The following CA8 variants were observed in gnomAD, a reference collection of about 807,000 sequenced individuals.
CA8 encodes carbonic anhydrase 8 (inactive).
A neutral mutation model predicts 41.4 loss-of-function variants in CA8; 22 were observed. The ratio of observed to expected loss-of-function variants is 0.53; its 90% CI spans 0.38 to 0.76. The LOEUF is 0.76. Among genes scored for constraint, CA8 ranks in the 30% least tolerant of loss-of-function variants. The probability of loss-of-function intolerance (pLI) is 0.00; values close to 1 mark genes in which losing one functional copy is unlikely to be tolerated. For synonymous variants in CA8, 121 were observed against 130.6 expected, an observed-to-expected ratio of 0.93 and a Z score of 0.50; for missense variants, 270 against 352.8, an observed-to-expected ratio of 0.77 and a Z score of 1.88.
intron 2 of CA8, among the ~76,000 whole-genome samples, chr8:60,277,124 A>C (rs1196899792): frequency 1.8e-4 from 1 of 5,498 alleles, no homozygotes; most frequent in Non-Finnish European, 4.0e-4. Flanking sequence ...GTCTCAAAAG[A>C]AAAAAAAAAA....
intron 7 of CA8, among the ~76,000 whole-genome samples, chr8:60,216,424 AC>A (rs1284794909): frequency 6.6e-6 from 1 of 152,224 alleles, no homozygotes; most frequent in Non-Finnish European, 1.5e-5. Flanking sequence ...TGCTAATAGC[AC>A]CTAAATCTTT....
chr8:60,210,495 C>T (rs1806796405), intron 7 of CA8, among the ~76,000 whole-genome samples: 1 of 152,164 alleles, frequency 6.6e-6, no homozygotes, highest in Admixed American at 6.5e-5. Context: ...GAGAGGCTCC[C>T]TGACTCCAAG....
chr8:60,232,904 T>C (rs766534745), intron 3 of CA8, among the ~76,000 whole-genome samples: 1 of 151,328 alleles, frequency 6.6e-6, no homozygotes, highest in Non-Finnish European at 1.5e-5. Context: ...AAAGCCACGG[T>C]AAAATAATAA....
chr8:60,260,938 T>C (rs1466314337), intron 3 of CA8, among the ~76,000 whole-genome samples: 1 of 152,158 alleles, frequency 6.6e-6, no homozygotes, highest in Non-Finnish European at 1.5e-5. Flanking sequence ...CTTCCTGGGA[T>C]CTCCTTAGAA....
intron 7 of CA8, among the ~76,000 whole-genome samples, chr8:60,217,918 A>T (rs544234156): frequency 6.6e-6 from 1 of 152,236 alleles, no homozygotes; most frequent in East Asian, 1.9e-4. Flanking sequence ...TGTTTCTTGA[A>T]TTCAAATTCG....
At chr8:60,205,427 T>A (rs1337771370) in intron 8 of CA8, among the ~76,000 whole-genome samples, 2 of 152,180 alleles carry the variant, frequency 1.3e-5, no homozygotes, top group Non-Finnish European at 2.9e-5. Context: ...TGAGTACCAA[T>A]GTCATGATAC....
intron 8 of CA8, among the ~76,000 whole-genome samples, chr8:60,190,622 T>C (rs1806092551): frequency 6.6e-6 from 1 of 150,376 alleles, no homozygotes; most frequent in South Asian, 2.1e-4. Flanking sequence ...GCAGTCTTAT[T>C]AGTTGCCTAA....
intron 5 of CA8, 70 bp downstream of exon 5, chr8:60,226,803 G>A (rs752155320): frequency 1.6e-5 from 13 of 837,902 alleles, no homozygotes; most frequent in Middle Eastern, 2.2e-4. Flanking sequence ...ACACAGCATC[G>A]AGCCCGCAGG....
intron 3 of CA8, among the ~76,000 whole-genome samples, chr8:60,249,465 T>C (rs1431313163): frequency 6.6e-6 from 1 of 152,224 alleles, no homozygotes; most frequent in Non-Finnish European, 1.5e-5. Context: ...TGGGTACTTA[T>C]ATCAAATCCT....
intron 7 of CA8, among the ~76,000 whole-genome samples, chr8:60,213,635 T>C (rs559819642): frequency 2.0e-5 from 3 of 152,330 alleles, no homozygotes; most frequent in African/African-American, 7.2e-5. Flanking sequence ...AAAGACTCAG[T>C]ATGAAAATAA....
At chr8:60,280,921 C>CG (rs1259433402) in intron 1 of CA8, 127 bp downstream of exon 1, 11 of 725,112 alleles carry the variant, frequency 1.5e-5, no homozygotes, top group Non-Finnish European at 2.7e-5. Flanking sequence ...GTGGCAGAGA[C>CG]CCCCGTGGGA....
At chr8:60,258,581 C>A (rs1367980320) in intron 3 of CA8, among the ~76,000 whole-genome samples, 1 of 152,100 alleles carries the variant, frequency 6.6e-6, no homozygotes, top group Admixed American at 6.6e-5. Flanking sequence ...ATTTATTGTG[C>A]ACTTTATTTC....
intron 1 of CA8, among the ~76,000 whole-genome samples, chr8:60,280,838 G>C (rs1482936111): frequency 1.3e-5 from 2 of 152,220 alleles, no homozygotes; most frequent in African/African-American, 4.8e-5. Flanking sequence ...AGCGCAGGCG[G>C]CGGAAGAGCG....
chr8:60,202,695 C>T (rs1806469111), intron 8 of CA8, among the ~76,000 whole-genome samples: 1 of 152,154 alleles, frequency 6.6e-6, no homozygotes, highest in Non-Finnish European at 1.5e-5. Context: ...GGGCTCTGGC[C>T]CCCACCTGTA....
intron 3 of CA8, among the ~76,000 whole-genome samples, chr8:60,235,034 C>A (rs115090813): frequency 0.019 from 2,846 of 152,312 alleles, 94 homozygotes; most frequent in African/African-American, 0.064. Context: ...CAGCACTCTG[C>A]ACCTGCGCTG....
chr8:60,226,084 TTTTC>T (rs1250548386), intron 5 of CA8, among the ~76,000 whole-genome samples: 2 of 152,232 alleles, frequency 1.3e-5, no homozygotes, highest in East Asian at 1.9e-4. Context: ...TGTGTACTTG[TTTTC>T]TTTTTTTAAA....
intron 3 of CA8, among the ~76,000 whole-genome samples, chr8:60,234,231 CA>C (rs1215448887): frequency 6.6e-6 from 1 of 152,130 alleles, no homozygotes; most frequent in Non-Finnish European, 1.5e-5. Flanking sequence ...AAGTACTCCT[CA>C]AAACGGTCAA....
intron 7 of CA8, among the ~76,000 whole-genome samples, chr8:60,219,031 T>C (rs1807133398): frequency 6.6e-6 from 1 of 151,996 alleles, no homozygotes; most frequent in African/African-American, 2.4e-5. Context: ...TAGAAGAGTC[T>C]TAGAAAGGAT....
At chr8:60,271,550 T>A (rs1255533217) in intron 2 of CA8, among the ~76,000 whole-genome samples, 1 of 152,214 alleles carries the variant, frequency 6.6e-6, no homozygotes, top group Non-Finnish European at 1.5e-5. Flanking sequence ...TTAATAATCA[T>A]CATCATCTAT....
Sources: gnomAD v4.1 joint callset for allele counts (sites outside exome capture counted in the v4.1 genomes callset) on GRCh38, gnomAD v4.1.1 for gene constraint, MANE v1.5 for transcripts, NCBI Gene and HGNC (gene_info 2026-07-23, HGNC 2026-07-21) for gene names.